The following RIMS1 variants were observed in gnomAD, a reference collection of about 807,000 sequenced individuals.
RIMS1 encodes the protein regulating synaptic membrane exocytosis 1, also known as regulating synaptic membrane exocytosis protein 1.
Under a neutral mutation model 214.1 loss-of-function variants are expected in RIMS1, and 83 were observed. The ratio of observed to expected loss-of-function variants is 0.39; its 90% CI spans 0.32 to 0.47. The LOEUF (loss-of-function observed/expected upper bound fraction) is 0.47. Among genes scored for constraint, RIMS1 ranks in the 20% least tolerant of loss-of-function variants. The pLI, the probability that RIMS1 is intolerant of heterozygous loss-of-function variation, is 0.99. For synonymous variants in RIMS1, 793 were observed against 786.8 expected (o/e 1.01, Z -0.13); for missense variants, 2,050 against 2,161.8 (o/e 0.95, Z 1.03).
At chr6:72,087,777 C>A (rs1470477788) in intron 2 of RIMS1, among the ~76,000 whole-genome samples, 1 of 152,182 alleles carries the variant, frequency 6.6e-6, no homozygotes, top group African/African-American at 2.4e-5. Flanking sequence ...AACAAATCTT[C>A]AAATAAATAC....
At chr6:71,950,402 A>G (rs1055497240) in intron 1 of RIMS1, among the ~76,000 whole-genome samples, 2 of 152,128 alleles carry the variant, frequency 1.3e-5, no homozygotes, top group Non-Finnish European at 2.9e-5. Context: ...TATAATGGAA[A>G]CCTCTAGGTA....
Position 72,179,894 on chromosome 6 carries a change from G to A in RIMS1, c.791G>A (p.Arg264Lys). Residue 264 changes from arginine to lysine, a missense_variant, in exon 5 of 34, where the codon AGA becomes AAA. Physicochemically the swap from Arg to Lys is conservative, Grantham distance 26 (BLOSUM62 2). Transcript: ENST00000521978. ...CAGAAGCAGGCTTCATCCAGGTCTAGAAGTGAACCTCCTAGAGAGAGGTAA... is the reference window on the plus strand; with the variant it reads ...CAGAAGCAGGCTTCATCCAGGTCTAAAAGTGAACCTCCTAGAGAGAGGTAA... Reference protein sequence around the residue: ...PEQKQASSRSRSEPPRERKKT... With the variant: ...PEQKQASSRSKSEPPRERKKT... 6.5e-7 allele frequency: 1 copy of A among 1,547,162 alleles called. No homozygotes were observed. The highest frequency in any genetic ancestry group is 8.7e-7 in the Non-Finnish European group (1 of 1,149,002).
chr6:71,989,863 C>T (rs1275625003), intron 2 of RIMS1, among the ~76,000 whole-genome samples: 1 of 152,172 alleles, frequency 6.6e-6, no homozygotes, highest in East Asian at 1.9e-4. Context: ...CCTAAGCCTG[C>T]TCCTCCAACC....
In RIMS1 at chr6:72,242,317, A is replaced by G; in HGVS notation, c.1961A>G (p.Asp654Gly). Reference protein sequence around the residue: ...ADVVGHLRAGDEVLEWNGKPL... With the variant: ...ADVVGHLRAGGEVLEWNGKPL... ...TACCCTTTTTTTTAAATTCAAGGGG[A>G]TGAAGTTCTAGAATGGAATGGTAAA... Residue 654 changes from aspartate (D) to glycine (G), a missense_variant, in exon 10 of 34, where the codon GAT becomes GGT. By Grantham distance (94) the Asp-to-Gly change is moderately conservative. Transcript: ENST00000521978. The G allele has an allele frequency of 6.4e-7, 1 of 1,557,952 alleles. No individual in the cohort carries two copies. Among genetic ancestry groups the G allele is most frequent in the Non-Finnish European group, 8.7e-7 (1 of 1,148,242 alleles).
chr6:72,180,509 G>C (rs1380992721), intron 5 of RIMS1, among the ~76,000 whole-genome samples: 1 of 152,226 alleles, frequency 6.6e-6, no homozygotes, highest in African/African-American at 2.4e-5. Context: ...TGGTGAGGTG[G>C]TGAAGGGACA....
At chr6:71,987,312 T>C (rs745715349) in intron 2 of RIMS1, among the ~76,000 whole-genome samples, 12 of 152,226 alleles carry the variant, frequency 7.9e-5, no homozygotes, top group Non-Finnish European at 1.5e-4. Context: ...AAGTCTGAGA[T>C]CAGCGTGCTA....
Position 72,182,512 on chromosome 6 carries a change from A to G in RIMS1, c.1041A>G (p.Lys347=). ...CGGCGGATGAGGAAAAGCAAAGAAAAGAGGAGGATTATCAGACCAGGTACC... is the reference window on the plus strand; with the variant it reads ...CGGCGGATGAGGAAAAGCAAAGAAAGGAGGAGGATTATCAGACCAGGTACC... The part of the protein sequence containing the change: ...GKAADEEKQR[K]EEDYQTRYRS... The change falls in exon 6 of 34, where the codon AAA becomes AAG. Residue 347 remains lysine, a synonymous_variant. Coordinates refer to ENST00000521978, the MANE Select transcript of RIMS1 (RefSeq NM_014989.7). The G allele has an allele frequency of 6.3e-7, 1 of 1,592,594 alleles. No individual in the cohort carries two copies. Among genetic ancestry groups the G allele is most frequent in the South Asian group, 1.1e-5 (1 of 88,366 alleles).
chr6:72,188,193 A>G (rs1468030203), intron 6 of RIMS1, among the ~76,000 whole-genome samples: 1 of 152,208 alleles, frequency 6.6e-6, no homozygotes, highest in Non-Finnish European at 1.5e-5. Flanking sequence ...ACCCTCACAG[A>G]CAACCCAGGA....
At chr6:72,083,768 T>G (rs1833989185) in intron 2 of RIMS1, among the ~76,000 whole-genome samples, 1 of 152,176 alleles carries the variant, frequency 6.6e-6, no homozygotes, top group African/African-American at 2.4e-5. Flanking sequence ...CCCAATAATC[T>G]TACAAAGTTG....
intron 4 of RIMS1, among the ~76,000 whole-genome samples, chr6:72,137,711 T>C (rs1348934235): frequency 6.6e-6 from 1 of 151,356 alleles, no homozygotes; most frequent in African/African-American, 2.4e-5. Flanking sequence ...CAAAGTTGTC[T>C]GCAAAAATTA....
At chr6:72,042,962 T>C (rs927576524) in intron 2 of RIMS1, among the ~76,000 whole-genome samples, 1 of 151,778 alleles carries the variant, frequency 6.6e-6, no homozygotes, top group African/African-American at 2.4e-5. Flanking sequence ...AAAAGAAATA[T>C]AATTTTAACA....
chr6:72,120,434 T>TG (rs2038018177), intron 4 of RIMS1, among the ~76,000 whole-genome samples: 1 of 152,034 alleles, frequency 6.6e-6, no homozygotes, highest in Non-Finnish European at 1.5e-5. Context: ...ATGTGTTTGT[T>TG]GGCTGCATAA....
chr6:72,103,818 ATTAGGAG>A (rs908123436), intron 4 of RIMS1, among the ~76,000 whole-genome samples: 7 of 152,074 alleles, frequency 4.6e-5, no homozygotes, highest in Non-Finnish European at 8.8e-5. Flanking sequence ...TGTCTTTTTG[ATTAGGAG>A]CCATCATATT....
At chr6:72,354,266 C>A (rs958373583) in intron 29 of RIMS1, among the ~76,000 whole-genome samples, 1 of 152,114 alleles carries the variant, frequency 6.6e-6, no homozygotes, top group African/African-American at 2.4e-5. Flanking sequence ...CCAGGCTTTG[C>A]GCCTACATAT....
At chr6:72,195,213 T>C (rs1242101434) in intron 6 of RIMS1, among the ~76,000 whole-genome samples, 1 of 152,160 alleles carries the variant, frequency 6.6e-6, no homozygotes, top group Non-Finnish European at 1.5e-5. Flanking sequence ...CCTTCCTTCT[T>C]TATCTTCTCC....
intron 1 of RIMS1, among the ~76,000 whole-genome samples, chr6:71,932,592 G>A (rs1783377327): frequency 6.6e-6 from 1 of 152,032 alleles, no homozygotes; most frequent in Non-Finnish European, 1.5e-5. Flanking sequence ...GTTTAGCTGT[G>A]TAACAAACCT....
intron 4 of RIMS1, among the ~76,000 whole-genome samples, chr6:72,116,169 C>A (rs1476781569): frequency 6.6e-6 from 1 of 151,926 alleles, no homozygotes; most frequent in Non-Finnish European, 1.5e-5. Context: ...TAAGGATTGG[C>A]AACTCACTTG....
chr6:72,118,107 A>G (rs1262640477), intron 4 of RIMS1, among the ~76,000 whole-genome samples: 1 of 149,556 alleles, frequency 6.7e-6, no homozygotes, highest in Non-Finnish European at 1.5e-5. Context: ...GACTGATACC[A>G]CAGAAATACA....
chr6:72,239,244 A>C (rs1219552274), intron 9 of RIMS1, among the ~76,000 whole-genome samples: 2 of 152,162 alleles, frequency 1.3e-5, no homozygotes, highest in Non-Finnish European at 2.9e-5. Context: ...ACACATTATT[A>C]TGTTTTAATA....
Sources: allele counts gnomAD v4.1 joint callset (sites outside exome capture counted in the v4.1 genomes callset), GRCh38; gene constraint gnomAD v4.1.1; transcripts MANE v1.5; gene names NCBI Gene and HGNC (gene_info 2026-07-23, HGNC 2026-07-21).